Variants in SGCZ observed in about 807,000 individuals in gnomAD.
SGCZ encodes sarcoglycan zeta, also known as zeta-sarcoglycan.
A neutral mutation model predicts 41.3 loss-of-function variants in SGCZ; 40 were observed. The observed-to-expected ratio is 0.97, with a 90% confidence interval of 0.75 to 1.26. The LOEUF is 1.26. SGCZ is among the 50% of genes most tolerant of loss of function. SGCZ has a pLI of 0.00. For missense variants in SGCZ, 552 were observed against 369.8 expected, an observed-to-expected ratio of 1.49 and a Z score of -4.04; for synonymous variants, 206 against 137.5, an observed-to-expected ratio of 1.50 and a Z score of -3.49.
chr8:15,178,630 G>C (rs771829506), intron 1 of SGCZ, among the ~76,000 whole-genome samples: 1 of 152,120 alleles, frequency 6.6e-6, no homozygotes. Context: ...TGCTCAGCTG[G>C]AACACTGTAC....
chr8:14,090,560 TGAG>T lies in SGCZ; in HGVS notation c.819_821del (p.Ser276del), dbSNP rs771491881. On this transcript the variant is annotated inframe_deletion, in exon 8 of 8. Coordinates refer to ENST00000382080, the MANE Select transcript of SGCZ (RefSeq NM_139167.4). ...GTTCATACACTGTCTGTCGAGAACT[TGAG>T]GAGCTGGGTGAAGAAGATGAGAAGG... The T allele has an allele frequency of 3.1e-6, 5 of 1,613,004 alleles. No individual in the cohort carries two copies. Among genetic ancestry groups the T allele is most frequent in the East Asian group, 2.2e-5 (1 of 44,846 alleles).
At chr8:14,143,410 T>C (rs181869579) in intron 5 of SGCZ, among the ~76,000 whole-genome samples, 73 of 152,334 alleles carry the variant, frequency 4.8e-4, no homozygotes, top group African/African-American at 1.7e-3. Context: ...ATTGTCTACA[T>C]AGAAAATCCC....
intron 1 of SGCZ, among the ~76,000 whole-genome samples, chr8:14,826,761 G>T (rs1802337550): frequency 6.6e-6 from 1 of 152,098 alleles, no homozygotes; most frequent in Admixed American, 6.5e-5. Flanking sequence ...TATATCCTTT[G>T]CCGACTTTTT....
chr8:14,922,926 G>A (rs1179844566), intron 1 of SGCZ, among the ~76,000 whole-genome samples: 1 of 152,180 alleles, frequency 6.6e-6, no homozygotes, highest in African/African-American at 2.4e-5. Context: ...CACAGAGGAA[G>A]ACATTTTCTC....
At chr8:14,684,885 G>T (rs1189685797) in intron 1 of SGCZ, among the ~76,000 whole-genome samples, 1 of 152,116 alleles carries the variant, frequency 6.6e-6, no homozygotes, top group African/African-American at 2.4e-5. Flanking sequence ...AGGGAGGTCT[G>T]TTATCTGTGC....
At chr8:14,591,848 C>G (rs926762789) in intron 1 of SGCZ, among the ~76,000 whole-genome samples, 3 of 152,120 alleles carry the variant, frequency 2.0e-5, no homozygotes, top group African/African-American at 7.2e-5. Context: ...TTGCTTTCCT[C>G]TATATTGTCG....
chr8:14,343,302 G>A (rs1190410538), intron 2 of SGCZ, among the ~76,000 whole-genome samples: 2 of 152,092 alleles, frequency 1.3e-5, no homozygotes, highest in East Asian at 1.9e-4. Context: ...GCAAGAAGAG[G>A]GCCACCATCC....
At chr8:15,154,144 T>C (rs763413652) in intron 1 of SGCZ, among the ~76,000 whole-genome samples, 7 of 152,118 alleles carry the variant, frequency 4.6e-5, no homozygotes, top group African/African-American at 1.4e-4. Context: ...GAACTGGGGG[T>C]TGGGGACTCC....
chr8:15,172,866 C>T (rs527445307), intron 1 of SGCZ, among the ~76,000 whole-genome samples: 97 of 152,080 alleles, frequency 6.4e-4, no homozygotes, highest in Non-Finnish European at 1.1e-3. Context: ...ATGGGTTGTT[C>T]TATTGATGTA....
intron 2 of SGCZ, among the ~76,000 whole-genome samples, chr8:14,420,450 T>C (rs1320005812): frequency 6.6e-6 from 1 of 152,112 alleles, no homozygotes; most frequent in Non-Finnish European, 1.5e-5. Context: ...TTTTTCTTTA[T>C]TTTGATTTTA....
In SGCZ at chr8:14,847,332, A is replaced by T. The variant is rs543066217; in HGVS notation, c.40-292406T>A. Among the ~76,000 whole-genome samples, 5 of 152,218 alleles carry T rather than the reference A, an allele frequency of 3.3e-5. No homozygotes were observed. In the East Asian group the frequency reaches 9.7e-4, roughly 30 times the overall value. ...CATTATCTAAAATAGAAGTTTGTGG[A>T]CCAATATCCCTCATGAACATAGACA... On this transcript the variant is annotated intron_variant, in intron 1 of 7. Coordinates refer to ENST00000382080, the MANE Select transcript of SGCZ (RefSeq NM_139167.4).
At chr8:14,831,277 G>A (rs1445833526) in intron 1 of SGCZ, among the ~76,000 whole-genome samples, 3 of 152,174 alleles carry the variant, frequency 2.0e-5, no homozygotes, top group Admixed American at 6.5e-5. Flanking sequence ...GACAGAAGGT[G>A]TTCTTTGATA....
intron 2 of SGCZ, among the ~76,000 whole-genome samples, chr8:14,396,419 T>A (rs1798922110): frequency 6.6e-6 from 1 of 152,152 alleles, no homozygotes; most frequent in African/African-American, 2.4e-5. Context: ...TACCTAATCC[T>A]CATGGAAAAT....
At chr8:14,298,944 C>G (rs1325756017) in intron 3 of SGCZ, among the ~76,000 whole-genome samples, 1 of 151,924 alleles carries the variant, frequency 6.6e-6, no homozygotes, top group Non-Finnish European at 1.5e-5. Context: ...AACTGTAAAA[C>G]TTGATTTTAG....
At chr8:14,635,581 G>A (rs555052150) in intron 1 of SGCZ, among the ~76,000 whole-genome samples, 3 of 151,828 alleles carry the variant, frequency 2.0e-5, no homozygotes, top group Admixed American at 6.6e-5. Flanking sequence ...TAAACTGAGT[G>A]CTGCTCTGAG....
intron 1 of SGCZ, among the ~76,000 whole-genome samples, chr8:14,684,822 C>A (rs1267805268): frequency 6.6e-6 from 1 of 151,974 alleles, no homozygotes; most frequent in Non-Finnish European, 1.5e-5. Flanking sequence ...TGGTAGCAGG[C>A]CCTTGTCATT....
chr8:14,561,239 G>A (rs1804199143), intron 1 of SGCZ, among the ~76,000 whole-genome samples: 1 of 152,082 alleles, frequency 6.6e-6, no homozygotes, highest in Non-Finnish European at 1.5e-5. Context: ...ACTATATTCT[G>A]AAATACATTG....
intron 1 of SGCZ, among the ~76,000 whole-genome samples, chr8:14,716,313 A>T (rs1809688547): frequency 6.6e-6 from 1 of 152,104 alleles, no homozygotes; most frequent in South Asian, 2.1e-4. Context: ...TTTCTTGAAC[A>T]ATGAGAGCAA....
intron 1 of SGCZ, among the ~76,000 whole-genome samples, chr8:15,185,182 A>G (rs752178124): frequency 3.3e-5 from 5 of 152,304 alleles, no homozygotes; most frequent in Admixed American, 1.3e-4. Context: ...TAAAAGATCA[A>G]AGTTAGGAGG....
Sources: allele counts gnomAD v4.1 joint callset (sites outside exome capture counted in the v4.1 genomes callset), GRCh38; gene constraint gnomAD v4.1.1; transcripts MANE v1.5; gene names NCBI Gene and HGNC (gene_info 2026-07-23, HGNC 2026-07-21).